The following FDFT1 variants were observed in gnomAD, a reference collection of about 807,000 sequenced individuals.
FDFT1 encodes squalene synthase.
FDFT1 carries 68 observed loss-of-function variants against 46.8 expected under a neutral mutation model. That is an observed-to-expected ratio of 1.45 (90% CI 1.19 to 1.78). The LOEUF is 1.78. Ranked by LOEUF, FDFT1 falls within the 40% of genes most tolerant of loss-of-function variation. FDFT1 has a pLI of 0.00. For missense variants in FDFT1, 928 were observed against 524.4 expected (o/e 1.77, Z -7.52); for synonymous variants, 351 against 185.1 (o/e 1.90, Z -7.28).
At chr8:11,824,911 A>G (rs1230510487) in intron 4 of FDFT1, among the ~76,000 whole-genome samples, 1 of 151,662 alleles carries the variant, frequency 6.6e-6, no homozygotes, top group Admixed American at 6.6e-5. Context: ...ATTTTTTTGT[A>G]TTTTTAGTAG....
intron 4 of FDFT1, among the ~76,000 whole-genome samples, chr8:11,822,769 T>C (rs528988370): frequency 6.6e-6 from 1 of 152,282 alleles, no homozygotes; most frequent in East Asian, 1.9e-4. Context: ...TGAGCCATGA[T>C]TGTGCCACTG....
At chr8:11,819,673 G>T (rs759101714) in intron 3 of FDFT1, among the ~76,000 whole-genome samples, 3 of 151,894 alleles carry the variant, frequency 2.0e-5, no homozygotes, top group African/African-American at 7.3e-5. Flanking sequence ...TGAAATTCTT[G>T]TACTTTGGTT....
chr8:11,797,266 A>G (rs1585819842), upstream of FDFT1, among the ~76,000 whole-genome samples: 1 of 152,286 alleles, frequency 6.6e-6, no homozygotes. Flanking sequence ...GACTGCCTGC[A>G]GCAGCGGTTG....
At chr8:11,836,243 C>T (rs922340665) in intron 7 of FDFT1, among the ~76,000 whole-genome samples, 1 of 150,646 alleles carries the variant, frequency 6.6e-6, no homozygotes, top group African/African-American at 2.5e-5. Flanking sequence ...TATTTTATGG[C>T]TTTTGATGGC....
intron 5 of FDFT1, among the ~76,000 whole-genome samples, chr8:11,828,901 C>T (rs1417090924): frequency 1.3e-5 from 2 of 152,194 alleles, no homozygotes; most frequent in Non-Finnish European, 2.9e-5. Flanking sequence ...TTTATCCATT[C>T]ATCAGTTGAA....
chr8:11,796,405 T>A (rs113051015), intron 1 of FDFT1, among the ~76,000 whole-genome samples: 2 of 152,122 alleles, frequency 1.3e-5, no homozygotes, highest in Non-Finnish European at 2.9e-5. Flanking sequence ...ATACAGAAAG[T>A]TCAGGTTGGG....
At chr8:11,823,092 C>G (rs1809488614) in intron 4 of FDFT1, among the ~76,000 whole-genome samples, 1 of 152,134 alleles carries the variant, frequency 6.6e-6, no homozygotes, top group African/African-American at 2.4e-5. Context: ...GTAGCTGTAA[C>G]TACAGTGCAT....
At chr8:11,811,181 T>G (rs567760925) in intron 3 of FDFT1, among the ~76,000 whole-genome samples, 29 of 152,358 alleles carry the variant, frequency 1.9e-4, no homozygotes, top group African/African-American at 7.0e-4. Context: ...TCCTGGTGAT[T>G]TGACTCTCAC....
Position 11,838,853 on chromosome 8 carries a change from C to G in FDFT1, c.*244C>G, listed in dbSNP as rs1208434250. On this transcript the variant is annotated 3_prime_UTR_variant, in exon 8 of 8. Transcript: ENST00000220584. ...TCACTGTGCTGCTTGTGGCTCATGG[C>G]AGAGCATTCAGTGCCACGGTTTAGG... is the stretch of plus-strand genomic sequence containing the variant. 3.9e-6 allele frequency: 2 copies of G among 513,034 alleles called. No individual in the cohort carries two copies. Among genetic ancestry groups the G allele is most frequent in the African/African-American group, 3.9e-5 (2 of 51,830 alleles). 31.8% of individuals were successfully genotyped at this position (513,034 alleles called of 1,614,324 possible).
Position 11,813,530 on chromosome 8 carries a change from C to A in FDFT1, c.381+3680C>A, listed in dbSNP as rs1808019136. On this transcript the variant is annotated intron_variant, in intron 3 of 7. Coordinates refer to ENST00000220584, the MANE Select transcript of FDFT1 (RefSeq NM_004462.5). ...AATTAAGTACTTTGCCTAGGATTAC[C>A]CGTGAAGTTAAGTGACAGAATCAAT... 3.3e-5 allele frequency among the ~76,000 whole-genome samples: 5 copies of A among 152,242 alleles called. No individual in the cohort carries two copies. In the South Asian group the frequency reaches 1.0e-3, roughly 32 times the overall value.
chr8:11,832,579 C>G (rs918340382), intron 7 of FDFT1, among the ~76,000 whole-genome samples: 1,238 of 55,424 alleles, frequency 0.022, 33 homozygotes, highest in African/African-American at 0.054. Context: ...AAAAAAAAGT[C>G]TTAGAGACCA....
In FDFT1 at chr8:11,835,948, A is replaced by C. The variant is rs1309654069; in HGVS notation, c.1033-2440A>C. Among the ~76,000 whole-genome samples the C allele has an allele frequency of 3.0e-5, 4 of 132,124 alleles. No homozygotes were observed. The East Asian group carries it at 1.1e-3, about 36-fold the overall frequency. The allele number at this position is 132,124 out of a possible 152,430, so 86.7% of individuals were successfully genotyped here. A position where few individuals can be genotyped will look rare whatever the true frequency, so the allele number is the denominator to read the frequency against. ...CAGGAGTGCGAAACCAGCCTGACTT[A>C]TGTGATGAAACCCTGTCTCTACTAA... On this transcript the variant is annotated intron_variant, in intron 7 of 7. Transcript: ENST00000220584.
chr8:11,816,294 G>A (rs1248612122), intron 3 of FDFT1, among the ~76,000 whole-genome samples: 1 of 152,180 alleles, frequency 6.6e-6, no homozygotes, highest in Non-Finnish European at 1.5e-5. Context: ...TTTGAAGTCA[G>A]GTAGCGTGAT....
rs1196515190 is a variant in FDFT1, at chr8:11,803,103, C to T, written c.99+172C>T. ...CTTCCCCCTGTAGGGCCCGGGTGGA[C>T]GCGGCCGTCCTGGCTGACCTGTCCC... On this transcript the variant is annotated intron_variant, in intron 1 of 7. Coordinates refer to ENST00000220584, the MANE Select transcript of FDFT1 (RefSeq NM_004462.5). 5.6e-6 allele frequency: 8 copies of T among 1,435,132 alleles called. No individual in the cohort carries two copies. The African/African-American group carries it at 7.2e-5, about 13-fold the overall frequency. 88.9% of individuals were successfully genotyped at this position (1,435,132 alleles called of 1,614,324 possible). A position where few individuals can be genotyped will look rare whatever the true frequency, so the allele number is the denominator to read the frequency against.
chr8:11,825,030 C>A (rs575406108), intron 4 of FDFT1, among the ~76,000 whole-genome samples: 1 of 151,812 alleles, frequency 6.6e-6, no homozygotes, highest in Admixed American at 6.6e-5. Flanking sequence ...CCATCGTGCC[C>A]GGCTGAATGT....
At chr8:11,819,934 T>C (rs1429760188) in intron 3 of FDFT1, among the ~76,000 whole-genome samples, 2 of 152,170 alleles carry the variant, frequency 1.3e-5, no homozygotes, top group African/African-American at 4.8e-5. Flanking sequence ...GCGTTCTGTT[T>C]TTGGAATTTT....
In FDFT1 at chr8:11,838,928, TG is replaced by T. The variant is rs1244245018; in HGVS notation, c.*321del. On this transcript the variant is annotated 3_prime_UTR_variant, in exon 8 of 8. Coordinates refer to ENST00000220584, the MANE Select transcript of FDFT1 (RefSeq NM_004462.5). ...CATGAGATCCTACTTAGTATGATCC[TG>T]GCTAGAATGATAATTAAAAGTATTT... The T allele has an allele frequency of 1.1e-5, 3 of 277,434 alleles. No individual in the cohort carries two copies. Among genetic ancestry groups the T allele is most frequent in the African/African-American group, 6.7e-5 (3 of 44,476 alleles). 17.2% of individuals were successfully genotyped at this position (277,434 alleles called of 1,614,324 possible).
intron 2 of FDFT1, chr8:11,809,311 C>A: frequency 1.8e-6 from 2 of 1,092,778 alleles, no homozygotes; most frequent in Non-Finnish European, 2.2e-6. Context: ...CGTATTTATA[C>A]TGAGAAGTTA....
rs985555755 is a variant in FDFT1, at chr8:11,804,610, T to TTA, written c.99+1680_99+1681insAT. On this transcript the variant is annotated intron_variant, in intron 1 of 7. Coordinates refer to ENST00000220584, the MANE Select transcript of FDFT1 (RefSeq NM_004462.5). ...ATTATCTTAGTTTCTCTTTTTTTTT[T>TTA]TTTTTTTTTTTGAGATGGAGTCTTG... Among the ~76,000 whole-genome samples the TTA allele has an allele frequency of 6.3e-5, 9 of 143,510 alleles. 1 individual carries two copies. The highest frequency in any genetic ancestry group is 2.3e-4 in the African/African-American group (9 of 38,718). The allele number at this position is 143,510 out of a possible 152,430, so 94.1% of individuals were successfully genotyped here.
Sources: gnomAD v4.1 joint callset for allele counts (sites outside exome capture counted in the v4.1 genomes callset) on GRCh38, gnomAD v4.1.1 for gene constraint, MANE v1.5 for transcripts, NCBI Gene and HGNC (gene_info 2026-07-23, HGNC 2026-07-21) for gene names.